The following CTXND1 variants were observed in gnomAD, a reference collection of about 807,000 sequenced individuals.
CTXND1 encodes the protein cortexin domain containing 1.
intron 1 of CTXND1, among the ~76,000 whole-genome samples, chr15:80,225,700 C>A (rs1418007325): frequency 6.6e-6 from 1 of 152,068 alleles, no homozygotes; most frequent in Non-Finnish European, 1.5e-5. Context: ...TTTTTCCTTT[C>A]TTGCTCTCTT....
intron 1 of CTXND1, among the ~76,000 whole-genome samples, chr15:80,217,259 G>T (rs528305143): frequency 6.6e-6 from 1 of 152,236 alleles, no homozygotes; most frequent in African/African-American, 2.4e-5. Context: ...ACTCCCACAT[G>T]AGTTTGCTTC....
rs575234530 is a variant in CTXND1 at position 80,222,109 on chromosome 15, A to G, written c.-217-18369T>C. On this transcript the variant is annotated intron_variant, in intron 1 of 2. Transcript: ENST00000560778. ...TTTTAGATATATTCATTAAATCAAG[A>G]TTATTCATTATGCTATTAGAATCCT... Among the ~76,000 whole-genome samples, 21 of 152,282 alleles carry G rather than the reference A, an allele frequency of 1.4e-4. No individual in the cohort carries two copies. In the South Asian group the frequency reaches 1.9e-3, roughly 14 times the overall value.
At chr15:80,228,708 C>A (rs929388475) in intron 1 of CTXND1, among the ~76,000 whole-genome samples, 1 of 149,220 alleles carries the variant, frequency 6.7e-6, no homozygotes, top group Non-Finnish European at 1.5e-5. Flanking sequence ...TGGCTCACTG[C>A]AACTTCTGCC....
At chr15:80,243,215 G>A (rs914738593) in intron 1 of CTXND1, among the ~76,000 whole-genome samples, 2 of 152,208 alleles carry the variant, frequency 1.3e-5, no homozygotes, top group African/African-American at 2.4e-5. Flanking sequence ...TAGTTGTTGA[G>A]GGCTGTGTTA....
Position 80,206,202 on chromosome 15 carries a change from G to A in CTXND1, c.-217-2462C>T, listed in dbSNP as rs149024672. The stretch of plus-strand genomic sequence containing the variant: ...ACACTTCACTTCAAAGCACTTCAGC[G>A]TGTGTATCATTAACTAGAATTCAAT... On this transcript the variant is annotated intron_variant, in intron 1 of 2. Transcript: ENST00000560778. Among the ~76,000 whole-genome samples, 327 of 152,308 alleles carry A rather than the reference G, an allele frequency of 2.1e-3. 2 individuals are homozygous for A. The highest frequency in any genetic ancestry group is 7.3e-3 in the African/African-American group (305 of 41,570).
Position 80,223,181 on chromosome 15 carries a change from C to T in CTXND1, c.-217-19441G>A, listed in dbSNP as rs117020465. Among the ~76,000 whole-genome samples, 1,274 of 152,206 alleles carry T rather than the reference C, an allele frequency of 8.4e-3. 10 individuals are homozygous for T. The highest frequency in any genetic ancestry group is 0.013 in the Non-Finnish European group (852 of 68,010). ...TCAACCTCCGCCTCCTAGGTTCAAG[C>T]GATTCTCCAGATTATAGGCATGTGC... On this transcript the variant is annotated intron_variant, in intron 1 of 2. Transcript: ENST00000560778.
At position 80,238,008 on chromosome 15, in the gene CTXND1, CAA is replaced by C. The variant is rs57718635; in HGVS notation, c.-218+13997_-218+13998del. ...TGGGAGACAGAGTGAGACTCCATCT[CAA>C]AAAAAAAAAAAAAAAAAAAATTAAA... On this transcript the variant is annotated intron_variant, in intron 1 of 2. Transcript: ENST00000560778. 3.2e-4 allele frequency among the ~76,000 whole-genome samples: 25 copies of C among 77,098 alleles called. No homozygotes were observed. In the East Asian group the frequency reaches 6.4e-3, roughly 20 times the overall value. The allele number at this position is 77,098 out of a possible 152,430, so 50.6% of individuals were successfully genotyped here. A position where few individuals can be genotyped will look rare whatever the true frequency, so the allele number is the denominator to read the frequency against.
chr15:80,235,732 A>C (rs928950274), intron 1 of CTXND1, among the ~76,000 whole-genome samples: 2 of 151,890 alleles, frequency 1.3e-5, no homozygotes, highest in African/African-American at 4.8e-5. Flanking sequence ...ACCTGCCACT[A>C]TCACAGGGCT....
chr15:80,246,539 T>A (rs941801290), intron 1 of CTXND1, among the ~76,000 whole-genome samples: 26 of 152,362 alleles, frequency 1.7e-4, no homozygotes, highest in African/African-American at 5.5e-4. Context: ...TGAAGTGCCC[T>A]TGTGTGAAAC....
intron 1 of CTXND1, among the ~76,000 whole-genome samples, chr15:80,250,510 G>A (rs12907596): frequency 0.045 from 6,919 of 152,194 alleles, 199 homozygotes; most frequent in Non-Finnish European, 0.069. Flanking sequence ...CTTGCATGCC[G>A]TTCAAAAATC....
At chr15:80,229,485 AG>A (rs1227997529) in intron 1 of CTXND1, among the ~76,000 whole-genome samples, 1 of 152,214 alleles carries the variant, frequency 6.6e-6, no homozygotes, top group Non-Finnish European at 1.5e-5. Flanking sequence ...AACTATGGTC[AG>A]GTCCATGACA....
chr15:80,242,438 GA>G (rs1157925728), intron 1 of CTXND1, among the ~76,000 whole-genome samples: 2 of 152,252 alleles, frequency 1.3e-5, no homozygotes, highest in Admixed American at 1.3e-4. Context: ...TCCTCAACCA[GA>G]ATGGCTCTGA....
At chr15:80,246,455 T>TGGACAGGGAAGCTTTGGCTAC (rs1425406178) in intron 1 of CTXND1, among the ~76,000 whole-genome samples, 26 of 152,240 alleles carry the variant, frequency 1.7e-4, no homozygotes, top group Non-Finnish European at 3.4e-4. Flanking sequence ...CACATAAGCC[T>TGGACAGGGAAGCTTTGGCTAC]GGACAGGGAA....
chr15:80,246,258 G>A (rs545294309), intron 1 of CTXND1, among the ~76,000 whole-genome samples: 1 of 152,276 alleles, frequency 6.6e-6, no homozygotes, highest in South Asian at 2.1e-4. Flanking sequence ...TTCATATAAA[G>A]GTGGAAAAAA....
At chr15:80,248,858 T>C (rs1209116856) in intron 1 of CTXND1, among the ~76,000 whole-genome samples, 4 of 152,220 alleles carry the variant, frequency 2.6e-5, no homozygotes, top group Admixed American at 1.3e-4. Flanking sequence ...GATTCATGTC[T>C]ATGGAAAGAA....
At chr15:80,213,943 G>A (rs1308424855) in intron 1 of CTXND1, among the ~76,000 whole-genome samples, 3 of 123,014 alleles carry the variant, frequency 2.4e-5, no homozygotes, top group Non-Finnish European at 5.1e-5. Flanking sequence ...ACTAAGAGAC[G>A]AATCAAAGTG....
chr15:80,249,751 A>G (rs1893673254), intron 1 of CTXND1, among the ~76,000 whole-genome samples: 1 of 152,252 alleles, frequency 6.6e-6, no homozygotes, highest in Non-Finnish European at 1.5e-5. Flanking sequence ...TTGAGTTGTC[A>G]GGAAACACAC....
intron 1 of CTXND1, 136 bp from the exon 2 acceptor site, chr15:80,203,876 C>T (rs1160545384): frequency 1.3e-5 from 2 of 151,922 alleles, no homozygotes; most frequent in East Asian, 1.9e-4. Context: ...ATGTTGATTT[C>T]TTCTCTCTTT....
chr15:80,244,696 C>A (rs953863024), intron 1 of CTXND1, among the ~76,000 whole-genome samples: 11 of 152,172 alleles, frequency 7.2e-5, no homozygotes, highest in African/African-American at 2.7e-4. Flanking sequence ...AAAGAAGACA[C>A]AAATGACTAG....
Sources: allele counts gnomAD v4.1 joint callset (sites outside exome capture counted in the v4.1 genomes callset), GRCh38; gene constraint gnomAD v4.1.1; transcripts MANE v1.5; gene names NCBI Gene and HGNC (gene_info 2026-07-23, HGNC 2026-07-21).